Variants in HTR1F observed in about 807,000 individuals in gnomAD.
HTR1F encodes the protein 5-hydroxytryptamine (serotonin) receptor 1F, G protein-coupled.
HTR1F carries 17 observed loss-of-function variants against 24.0 expected under a neutral mutation model. The observed-to-expected ratio is 0.71, with a 90% CI of 0.48 to 1.06. The LOEUF is 1.06. Ranked by LOEUF, HTR1F falls within the 50% of genes least tolerant of loss-of-function variation. HTR1F has a pLI of 0.00. For synonymous variants in HTR1F, 186 were observed against 156.8 expected, an observed-to-expected ratio of 1.19 and a Z score of -1.39; for missense variants, 391 against 427.8, an observed-to-expected ratio of 0.91 and a Z score of 0.76.
intron 2 of HTR1F, among the ~76,000 whole-genome samples, chr3:87,890,628 AAAACCACCTTAACTTAGTAATCAAG>A: frequency 6.6e-6 from 1 of 151,462 alleles, no homozygotes; most frequent in African/African-American, 2.4e-5. Flanking sequence ...ATAAACTTGT[AAAACCACCTTAACTTAGTAATCAAG>A]ATAAATACCG....
At chr3:87,930,261 T>C (rs951325389) in intron 2 of HTR1F, among the ~76,000 whole-genome samples, 4 of 152,218 alleles carry the variant, frequency 2.6e-5, no homozygotes, top group African/African-American at 9.6e-5. Flanking sequence ...GTCTTCCTAT[T>C]TGATGCCCTC....
chr3:87,806,471 C>T (rs1704076471), intron 1 of HTR1F, among the ~76,000 whole-genome samples: 1 of 151,870 alleles, frequency 6.6e-6, no homozygotes, highest in African/African-American at 2.4e-5. Context: ...TTATGATTTA[C>T]ATTCCCCTTG....
At chr3:87,959,249 G>A (rs1173634201) in intron 2 of HTR1F, among the ~76,000 whole-genome samples, 1 of 151,600 alleles carries the variant, frequency 6.6e-6, no homozygotes, top group African/African-American at 2.4e-5. Flanking sequence ...TTTTATGGTT[G>A]GAATAGTACC....
rs1289433661 is a variant in HTR1F at position 87,941,594 on chromosome 3, T to A, written c.-42-49114T>A. Reference sequence around the variant, plus strand: ...AGAACTGGCTCAAGTCTTGGGATAATGCCTGGCCAAATAGATGGAGGCTAT... The same window carrying A: ...AGAACTGGCTCAAGTCTTGGGATAAAGCCTGGCCAAATAGATGGAGGCTAT... On this transcript the variant is annotated intron_variant, in intron 2 of 2. Transcript: ENST00000319595. Among the ~76,000 whole-genome samples the A allele has an allele frequency of 2.0e-5, 3 of 152,150 alleles. No individual in the cohort carries two copies. The East Asian group carries it at 5.8e-4, about 29-fold the overall frequency.
At chr3:87,942,201 G>GCCCC (rs1559642466) in intron 2 of HTR1F, among the ~76,000 whole-genome samples, 8 of 152,216 alleles carry the variant, frequency 5.3e-5, no homozygotes, top group Non-Finnish European at 7.4e-5. Context: ...CCTAACAAGG[G>GCCCC]AGTGGGGCTT....
chr3:87,910,797 T>C (rs1003943041), intron 2 of HTR1F, among the ~76,000 whole-genome samples: 2 of 151,968 alleles, frequency 1.3e-5, no homozygotes, highest in African/African-American at 2.4e-5. Flanking sequence ...GCAATAAAAA[T>C]TGAAATCAAT....
chr3:87,813,928 T>C (rs1299638162), intron 1 of HTR1F, among the ~76,000 whole-genome samples: 1 of 152,160 alleles, frequency 6.6e-6, no homozygotes, highest in African/African-American at 2.4e-5. Flanking sequence ...ACCTCTTTTT[T>C]TTTTCTTTTT....
At chr3:87,932,898 CA>C (rs1472470171) in intron 2 of HTR1F, among the ~76,000 whole-genome samples, 1 of 150,716 alleles carries the variant, frequency 6.6e-6, no homozygotes, top group Admixed American at 6.6e-5. Context: ...GAGACACAAC[CA>C]AAAAAGAGAA....
chr3:87,811,466 G>A (rs2107098083), intron 1 of HTR1F, among the ~76,000 whole-genome samples: 1 of 152,240 alleles, frequency 6.6e-6, no homozygotes, highest in East Asian at 1.9e-4. Flanking sequence ...TAAAGGATAT[G>A]ACAATGATTT....
intron 2 of HTR1F, among the ~76,000 whole-genome samples, chr3:87,948,216 T>C (rs9856604): frequency 0.44 from 66,980 of 151,924 alleles, 15,771 homozygotes; most frequent in African/African-American, 0.61. Context: ...CTGGCCTGCC[T>C]CCAATTTTCA....
At chr3:87,972,496 A>T (rs763599662) in intron 2 of HTR1F, among the ~76,000 whole-genome samples, 2 of 152,174 alleles carry the variant, frequency 1.3e-5, no homozygotes, top group Non-Finnish European at 2.9e-5. Context: ...TTAATCATCT[A>T]TGTATTTTAA....
At chr3:87,938,966 C>T (rs1309188757) in intron 2 of HTR1F, among the ~76,000 whole-genome samples, 2 of 152,102 alleles carry the variant, frequency 1.3e-5, no homozygotes, top group Non-Finnish European at 2.9e-5. Flanking sequence ...TTCTGCACAG[C>T]AAAATAAACT....
chr3:87,892,974 GA>G (rs1324079505), intron 2 of HTR1F, among the ~76,000 whole-genome samples: 6 of 151,634 alleles, frequency 4.0e-5, no homozygotes, highest in East Asian at 1.9e-4. Flanking sequence ...ACCAAAAAAA[GA>G]AAAAAATATA....
intron 1 of HTR1F, among the ~76,000 whole-genome samples, chr3:87,820,423 G>C (rs1324581753): frequency 4.0e-5 from 6 of 151,748 alleles, no homozygotes; most frequent in Admixed American, 3.9e-4. Flanking sequence ...TGATCCGCCC[G>C]CCTCGGCCTC....
At chr3:87,933,293 C>A (rs1263991201) in intron 2 of HTR1F, among the ~76,000 whole-genome samples, 2 of 150,420 alleles carry the variant, frequency 1.3e-5, no homozygotes, top group East Asian at 2.0e-4. Flanking sequence ...AAAACTGGCA[C>A]AAGACAGGGA....
chr3:87,944,767 C>G (rs542282217), intron 2 of HTR1F, among the ~76,000 whole-genome samples: 1 of 152,166 alleles, frequency 6.6e-6, no homozygotes, highest in Non-Finnish European at 1.5e-5. Context: ...AGTTACTTCT[C>G]TACTTTCTTC....
chr3:87,939,510 T>A (rs1704508934), intron 2 of HTR1F, among the ~76,000 whole-genome samples: 1 of 152,198 alleles, frequency 6.6e-6, no homozygotes. Flanking sequence ...TCCTGGGCTT[T>A]TTTTGGTTGG....
At chr3:87,869,414 TAGATA>T (rs1705500627) in intron 2 of HTR1F, among the ~76,000 whole-genome samples, 1 of 142,880 alleles carries the variant, frequency 7.0e-6, no homozygotes, top group South Asian at 2.2e-4. Flanking sequence ...GATAGATAGA[TAGATA>T]GATAGATAGA....
chr3:87,880,547 T>G (rs1369332841), intron 2 of HTR1F, among the ~76,000 whole-genome samples: 3 of 152,138 alleles, frequency 2.0e-5, no homozygotes, highest in Non-Finnish European at 4.4e-5. Context: ...AATAAATTAT[T>G]TTCAAAAAAT....
Sources: gnomAD v4.1 joint callset for allele counts (sites outside exome capture counted in the v4.1 genomes callset) on GRCh38, gnomAD v4.1.1 for gene constraint, MANE v1.5 for transcripts, NCBI Gene and HGNC (gene_info 2026-07-23, HGNC 2026-07-21) for gene names.